The following GABBR2 variants were observed in gnomAD, a reference collection of about 807,000 sequenced individuals.
GABBR2 encodes the protein gamma-aminobutyric acid type B receptor subunit 2.
GABBR2 carries 23 observed loss-of-function variants against 105.6 expected under a neutral mutation model. The ratio of observed to expected loss-of-function variants is 0.22; its 90% CI spans 0.16 to 0.31. GABBR2 has a LOEUF of 0.31. Ranked by LOEUF, GABBR2 falls within the 10% of genes least tolerant of loss-of-function variation. The pLI is 1.00. For synonymous variants in GABBR2, 478 were observed against 499.7 expected (o/e 0.96, Z 0.58); for missense variants, 734 against 1,245.5 (o/e 0.59, Z 6.18).
chr9:98,527,718 T>C (rs927763445), intron 3 of GABBR2, among the ~76,000 whole-genome samples: 4 of 112,766 alleles, frequency 3.5e-5, no homozygotes, highest in Non-Finnish European at 7.2e-5. Context: ...ACGTTCCATA[T>C]GCATGAGTGG....
rs148846225 is a variant in GABBR2 at position 98,307,354 on chromosome 9, G to T, written c.2005-1009C>A. 8.5e-3 allele frequency among the ~76,000 whole-genome samples: 1,295 copies of T among 152,264 alleles called. 12 individuals are homozygous for T. The highest frequency in any genetic ancestry group is 0.011 in the Non-Finnish European group (728 of 68,012). On this transcript the variant is annotated intron_variant, in intron 14 of 18. Coordinates refer to ENST00000259455, the MANE Select transcript of GABBR2 (RefSeq NM_005458.8). ...CGGGCTGCAGGGACAGCTCAGGTGGGTGTAGGGCAGAATGGTGGTGTGGTG... is the reference window on the plus strand; with the variant it reads ...CGGGCTGCAGGGACAGCTCAGGTGGTTGTAGGGCAGAATGGTGGTGTGGTG...
At chr9:98,442,537 T>C (rs754340028) in intron 7 of GABBR2, among the ~76,000 whole-genome samples, 1 of 152,228 alleles carries the variant, frequency 6.6e-6, no homozygotes, top group Non-Finnish European at 1.5e-5. Flanking sequence ...ATGAGAGGGT[T>C]AAATTACTTA....
intron 8 of GABBR2, among the ~76,000 whole-genome samples, chr9:98,397,953 C>T (rs2131513933): frequency 6.6e-6 from 1 of 152,300 alleles, no homozygotes; most frequent in Middle Eastern, 3.4e-3. Flanking sequence ...ACTGTGTCCC[C>T]TGTATTCTTG....
At chr9:98,390,375 C>CAAAAAAAAAAAAAAAAAAAAA (rs61216428) in intron 9 of GABBR2, among the ~76,000 whole-genome samples, 16 of 32,434 alleles carry the variant, frequency 4.9e-4, no homozygotes, top group African/African-American at 1.5e-3. Flanking sequence ...CTCCATCTCA[C>CAAAAAAAAAAAAAAAAAAAAA]AAAAAAAAAA....
intron 1 of GABBR2, among the ~76,000 whole-genome samples, chr9:98,600,573 A>T (rs766441333): frequency 6.6e-6 from 1 of 152,258 alleles, no homozygotes; most frequent in Non-Finnish European, 1.5e-5. Context: ...CTGCATAGGC[A>T]TGGTGCTCAG....
At chr9:98,606,787 ATTT>A in intron 1 of GABBR2, 1 of 315,976 alleles carries the variant, frequency 3.2e-6, no homozygotes. Context: ...ACCTATTATC[ATTT>A]TTTTATGATA....
At chr9:98,646,633 T>A (rs993749706) in intron 1 of GABBR2, among the ~76,000 whole-genome samples, 2 of 152,310 alleles carry the variant, frequency 1.3e-5, no homozygotes, top group Admixed American at 1.3e-4. Flanking sequence ...AAAGCTATCA[T>A]CTGAAAGAAC....
intron 2 of GABBR2, among the ~76,000 whole-genome samples, chr9:98,572,346 C>T (rs1004067270): frequency 1.1e-4 from 17 of 152,154 alleles, no homozygotes; most frequent in African/African-American, 3.9e-4. Flanking sequence ...TGTGTGAATC[C>T]CTATTTTTGT....
Position 98,541,897 on chromosome 9 carries a change from C to T in GABBR2, c.606G>A (p.Thr202=), listed in dbSNP as rs200832069. Reference sequence around the variant, plus strand: ...CCTCAGAGAACCTCTGAACGTCTTGCGTCAGCGTGCCCACGCGCTTCCACT... The same window carrying T: ...CCTCAGAGAACCTCTGAACGTCTTGTGTCAGCGTGCCCACGCGCTTCCACT... ...HYQWKRVGTL[T]QDVQRFSEVR... Residue 202 remains threonine (T), a synonymous_variant, in exon 3 of 19, where the codon ACG becomes ACA. Coordinates refer to ENST00000259455, the MANE Select transcript of GABBR2 (RefSeq NM_005458.8). 56 of 1,614,048 alleles carry T rather than the reference C, an allele frequency of 3.5e-5. No homozygotes were observed. The Middle Eastern group carries it at 6.6e-4, about 19-fold the overall frequency.
At position 98,303,433 on chromosome 9, in the gene GABBR2, C is replaced by G; in HGVS notation, c.2230-10G>C. 6.2e-7 allele frequency: 1 copy of G among 1,613,098 alleles called. No individual in the cohort carries two copies. The highest frequency in any genetic ancestry group is 8.5e-7 in the Non-Finnish European group (1 of 1,179,360). On this transcript the variant is annotated splice_polypyrimidine_tract_variant and intron_variant, in intron 15 of 18. Coordinates refer to ENST00000259455, the MANE Select transcript of GABBR2 (RefSeq NM_005458.8). ...TTCTCAGGGTGATGAGCTGAAAGGACAAAGGTTGGGGCGGGGTTGAAGAGA... is the reference window on the plus strand; with the variant it reads ...TTCTCAGGGTGATGAGCTGAAAGGAGAAAGGTTGGGGCGGGGTTGAAGAGA...
rs187285024 is a variant in GABBR2, at chr9:98,348,834, G to C, written c.1893+13881C>G. 2.6e-5 allele frequency among the ~76,000 whole-genome samples: 4 copies of C among 152,156 alleles called. No individual in the cohort carries two copies. In the East Asian group the frequency reaches 7.7e-4, roughly 29 times the overall value. On this transcript the variant is annotated intron_variant, in intron 13 of 18. Coordinates refer to ENST00000259455, the MANE Select transcript of GABBR2 (RefSeq NM_005458.8). ...AAGAGTACTTTTGGTGGAGTCTTTA[G>C]GTTTTTATAAAATATATAAGATCAT...
chr9:98,504,463 G>C (rs1827465713), intron 3 of GABBR2, among the ~76,000 whole-genome samples: 1 of 152,178 alleles, frequency 6.6e-6, no homozygotes, highest in Admixed American at 6.5e-5. Context: ...ATCCAGAAAG[G>C]CACAGATCCA....
intron 7 of GABBR2, among the ~76,000 whole-genome samples, chr9:98,417,554 T>A (rs1832710537): frequency 6.6e-6 from 1 of 152,172 alleles, no homozygotes. Flanking sequence ...CATAATTGTG[T>A]TCCTTCCCTT....
At chr9:98,488,704 A>T (rs1827112210) in intron 4 of GABBR2, among the ~76,000 whole-genome samples, 1 of 152,054 alleles carries the variant, frequency 6.6e-6, no homozygotes, top group Admixed American at 6.5e-5. Context: ...TTTTGTTACT[A>T]AGAAGAAATG....
chr9:98,659,326 A>C (rs1323617002), intron 1 of GABBR2, among the ~76,000 whole-genome samples: 1 of 152,092 alleles, frequency 6.6e-6, no homozygotes, highest in East Asian at 1.9e-4. Context: ...ATGTTTATAC[A>C]TCTTTTTTGT....
At chr9:98,373,484 G>A (rs142511432) in intron 11 of GABBR2, among the ~76,000 whole-genome samples, 1 of 152,028 alleles carries the variant, frequency 6.6e-6, no homozygotes, top group Non-Finnish European at 1.5e-5. Flanking sequence ...CTCTCTCCCC[G>A]ACATCCTGCT....
intron 11 of GABBR2, among the ~76,000 whole-genome samples, chr9:98,383,979 G>A (rs1039809093): frequency 2.0e-5 from 3 of 152,194 alleles, no homozygotes; most frequent in Non-Finnish European, 4.4e-5. Flanking sequence ...ACTGAGGCTT[G>A]TGAGCAACAA....
At chr9:98,527,109 A>T (rs28630743) in intron 3 of GABBR2, among the ~76,000 whole-genome samples, 50,497 of 142,442 alleles carry the variant, frequency 0.35, 8,849 homozygotes, top group Middle Eastern at 0.5. Context: ...TATATATATT[A>T]TATATATATA....
chr9:98,294,470 T>C (rs551304843), intron 17 of GABBR2, among the ~76,000 whole-genome samples: 1 of 152,002 alleles, frequency 6.6e-6, no homozygotes, highest in Non-Finnish European at 1.5e-5. Flanking sequence ...TGTGCAAAGA[T>C]ATATACAAGA....
Sources: gnomAD v4.1 joint callset for allele counts (sites outside exome capture counted in the v4.1 genomes callset) on GRCh38, gnomAD v4.1.1 for gene constraint, MANE v1.5 for transcripts, NCBI Gene and HGNC (gene_info 2026-07-23, HGNC 2026-07-21) for gene names.